The following SEC31B variants were observed in gnomAD, a reference collection of about 807,000 sequenced individuals.
SEC31B encodes SEC31 homolog B, COPII component.
In SEC31B, 113 loss-of-function variants were observed where a neutral mutation model predicts 135.0. That is an observed-to-expected ratio of 0.84 (90% CI 0.72 to 0.98). The LOEUF (loss-of-function observed/expected upper bound fraction) is 0.98. SEC31B is among the 50% of genes least tolerant of loss of function. The probability of loss-of-function intolerance (pLI) is 0.00; values close to 1 mark genes in which losing one functional copy is unlikely to be tolerated. For synonymous variants in SEC31B, 508 were observed against 549.4 expected, an observed-to-expected ratio of 0.92 and a Z score of 1.05; for missense variants, 1,296 against 1,421.1, an observed-to-expected ratio of 0.91 and a Z score of 1.42.
intron 10 of SEC31B, 83 bp from the exon 11 acceptor site, chr10:100,502,567 C>A: frequency 1.2e-6 from 1 of 834,758 alleles, no homozygotes; most frequent in South Asian, 1.7e-5. Context: ...AGAAGGCTAT[C>A]TAATGGCTGA....
chr10:100,511,552 T>G (rs750374090), intron 3 of SEC31B, among the ~76,000 whole-genome samples: 20 of 152,220 alleles, frequency 1.3e-4, no homozygotes, highest in Non-Finnish European at 2.2e-4. Flanking sequence ...GGAGGATCAC[T>G]TGTGCCCAGG....
rs777344538 is a variant in SEC31B, at chr10:100,490,141, T to A, written c.2832A>T (p.Pro944=). Residue 944 remains proline (P), a synonymous_variant, in exon 21 of 26, where the codon CCA becomes CCT. Transcript: ENST00000370345. ...GGGAGACCATGCGGCCGGGACCTAG[T>A]GGTCTCAGAGGAAGCAGAGGGAACA... ...PRLFPLLPLR[P]LGPGRMVSHT... 6.3e-7 allele frequency: 1 copy of A among 1,595,866 alleles called. No individual in the cohort carries two copies. The highest frequency in any genetic ancestry group is 2.2e-5 in the East Asian group (1 of 44,768).
chr10:100,487,346 A>G lies in SEC31B; in HGVS notation c.*270T>C. 2 of 439,042 alleles carry G rather than the reference A, an allele frequency of 4.6e-6. No homozygotes were observed. Among genetic ancestry groups the G allele is most frequent in the Non-Finnish European group, 8.2e-6 (2 of 243,464 alleles). The allele number at this position is 439,042 out of a possible 1,614,324, so 27.2% of individuals were successfully genotyped here. On this transcript the variant is annotated 3_prime_UTR_variant, in exon 26 of 26. Transcript: ENST00000370345. ...AGAAGATATCCTGCCCCAGGTCCTT[A>G]CAGAGTGTAGTATTAGGGAGAGTGA...
At position 100,505,403 on chromosome 10, in the gene SEC31B, T is replaced by A. The variant is rs565910778; in HGVS notation, c.1137A>T (p.Lys379Asn). Residue 379 changes from lysine (K) to asparagine (N), a missense_variant, in exon 10 of 26, where the codon AAA (lysine) becomes AAT (asparagine). Lys to Asn is a moderately conservative substitution (Grantham distance 94, BLOSUM62 0). Transcript: ENST00000370345. ...AQAPLIPPLK[K>N]PPKWIRRPTG... ...TTGGTCTTCTAATCCATTTGGGGGG[T>A]TTTTTCAGGGGAGGTATCAGTGGTG... 13 of 1,604,932 alleles carry A rather than the reference T, an allele frequency of 8.1e-6. No individual in the cohort carries two copies. The African/African-American group carries it at 9.5e-5, about 12-fold the overall frequency.
chr10:100,506,426 AAG>A lies in SEC31B; in HGVS notation c.783-8_783-7del. On this transcript the variant is annotated splice_polypyrimidine_tract_variant and splice_region_variant and intron_variant, in intron 7 of 25. Coordinates refer to ENST00000370345, the MANE Select transcript of SEC31B (RefSeq NM_015490.4). ...ATGACACTGACAAGATCCCCCTAAAAAGAGAAGGGAAGAGGAACTAGCATTTG... is the reference window on the plus strand; with the variant it reads ...ATGACACTGACAAGATCCCCCTAAAAAGAAGGGAAGAGGAACTAGCATTTG... 1.2e-6 allele frequency: 2 copies of A among 1,613,408 alleles called. No individual in the cohort carries two copies. The highest frequency in any genetic ancestry group is 3.3e-4 in the Middle Eastern group (2 of 6,062).
intron 11 of SEC31B, 110 bp downstream of exon 11, chr10:100,502,144 C>T (rs1851535603): frequency 3.8e-6 from 3 of 787,382 alleles, no homozygotes; most frequent in Non-Finnish European, 2.1e-6. Flanking sequence ...GGAGTTAAGG[C>T]CTCTGTGATC....
At chr10:100,496,942 T>G (rs1258069672) in intron 17 of SEC31B, among the ~76,000 whole-genome samples, 193 bp downstream of exon 17, 3 of 152,200 alleles carry the variant, frequency 2.0e-5, no homozygotes, top group Non-Finnish European at 2.9e-5. Flanking sequence ...AGACTAACAC[T>G]GAAGCAGCTG....
At chr10:100,517,213 A>G (rs1851867334) in intron 1 of SEC31B, among the ~76,000 whole-genome samples, 1 of 152,238 alleles carries the variant, frequency 6.6e-6, no homozygotes, top group Non-Finnish European at 1.5e-5. Flanking sequence ...AATGGCTACC[A>G]CAGGTCCAGT....
chr10:100,496,988 C>T, intron 17 of SEC31B, 147 bp downstream of exon 17: 1 of 790,260 alleles, frequency 1.3e-6, no homozygotes, highest in Non-Finnish European at 1.9e-6. Flanking sequence ...GGAGAAGATC[C>T]CAGACATTCA....
intron 3 of SEC31B, among the ~76,000 whole-genome samples, chr10:100,511,753 T>A (rs1851741348): frequency 1.3e-5 from 2 of 152,258 alleles, no homozygotes; most frequent in Non-Finnish European, 2.9e-5. Context: ...GAAAAGAGTT[T>A]GTCCACATTC....
chr10:100,490,719 A>G lies in SEC31B; in HGVS notation c.2637T>C (p.Pro879=), dbSNP rs137993060. 1 of 1,589,480 alleles carries G rather than the reference A, an allele frequency of 6.3e-7. No homozygotes were observed. Among genetic ancestry groups the G allele is most frequent in the African/African-American group, 1.3e-5 (1 of 74,402 alleles). The change falls in exon 20 of 26, where the codon CCT becomes CCC. Residue 879 remains proline, a synonymous_variant. Transcript: ENST00000370345. ...PQAIQPLPLS[P]GVRPASSQPQ... ...TGACTCACTCACCAGGCCTTACCCC[A>G]GGGCTCAAAGGCAAAGGCTGGATGG...
At chr10:100,505,956 T>C in intron 9 of SEC31B, 84 bp downstream of exon 9, 1 of 1,586,020 alleles carries the variant, frequency 6.3e-7, no homozygotes, top group Non-Finnish European at 8.6e-7. Flanking sequence ...ATCTCCAATA[T>C]CTCCGCTTCT....
intron 10 of SEC31B, among the ~76,000 whole-genome samples, chr10:100,502,858 A>G (rs1564651501): frequency 6.6e-6 from 1 of 152,210 alleles, no homozygotes; most frequent in Non-Finnish European, 1.5e-5. Context: ...TCTTTCATGC[A>G]GGTCCCCTCC....
rs746161224 is a variant in SEC31B at position 100,498,714 on chromosome 10, TG to T, written c.1674del (p.Ile559SerfsTer9). 1 of 1,612,176 alleles carries T rather than the reference TG, an allele frequency of 6.2e-7. No individual in the cohort carries two copies. Among genetic ancestry groups the T allele is most frequent in the Non-Finnish European group, 8.5e-7 (1 of 1,178,420 alleles). ...VPQNMTPWEI[P>X]ITKDIDGLLS... ...CTCAGGGTCAGGGTACCTTTTGTGA[TG>T]GGGATCTCCCAAGGAGTCATGTTCT... is the stretch of plus-strand genomic sequence containing the variant. On this transcript the variant is annotated frameshift_variant, in exon 14 of 26. Coordinates refer to ENST00000370345, the MANE Select transcript of SEC31B (RefSeq NM_015490.4). LOFTEE classifies it high-confidence loss of function.
chr10:100,507,414 T>C lies in SEC31B; in HGVS notation c.782+11A>G, dbSNP rs768134374. ...TCCCCCCAAGGATATGGATGACGTC[T>C]GAGATGCTACCTGCTGTGGCTCTCC... is the stretch of plus-strand genomic sequence containing the variant. On this transcript the variant is annotated intron_variant, in intron 7 of 25. Coordinates refer to ENST00000370345, the MANE Select transcript of SEC31B (RefSeq NM_015490.4). 7.4e-6 allele frequency: 12 copies of C among 1,614,152 alleles called. No homozygotes were observed. The African/African-American group carries it at 8.0e-5, about 11-fold the overall frequency.
chr10:100,490,825 G>A lies in SEC31B; in HGVS notation c.2531C>T (p.Pro844Leu). Residue 844 changes from proline (P) to leucine (L), a missense_variant, in exon 20 of 26, where the codon CCC becomes CTC. Pro to Leu is a moderately conservative substitution (Grantham distance 98). Transcript: ENST00000370345. ...AGGGCTAGGATGGGAAGGTGCCAAG[G>A]GCATCGCTGGTGATGACTGAGGGGT... ...VFTPQSSPAMPLAPSHPSPYQ... is the reference protein window; with the variant it reads ...VFTPQSSPAMLLAPSHPSPYQ... 3 of 1,600,434 alleles carry A rather than the reference G, an allele frequency of 1.9e-6. No individual in the cohort carries two copies. The highest frequency in any genetic ancestry group is 2.6e-6 in the Non-Finnish European group (3 of 1,171,518).
intron 23 of SEC31B, 96 bp from the exon 24 acceptor site, chr10:100,489,070 G>C: frequency 1.3e-6 from 2 of 1,512,638 alleles, no homozygotes; most frequent in South Asian, 1.3e-5. Context: ...CAGTCACACT[G>C]TTCCCATTAC....
At position 100,516,163 on chromosome 10, in the gene SEC31B, A is replaced by G; in HGVS notation, c.136T>C (p.Phe46Leu). 6.2e-7 allele frequency: 1 copy of G among 1,613,998 alleles called. No individual in the cohort carries two copies. Among genetic ancestry groups the G allele is most frequent in the Middle Eastern group, 1.6e-4 (1 of 6,062 alleles). The change falls in exon 3 of 26, where the codon TTT (phenylalanine) becomes CTT (leucine). Residue 46 changes from phenylalanine (F) to leucine (L), a missense_variant. Coordinates refer to ENST00000370345, the MANE Select transcript of SEC31B (RefSeq NM_015490.4). ...SFSTNGTLEI[F>L]EVDFRDPSLD... ...GAAGGGTCCCTGAAATCAACCTCAAATATTTCCAATGTGCCATTTGTGCTG... is the reference window on the plus strand; with the variant it reads ...GAAGGGTCCCTGAAATCAACCTCAAGTATTTCCAATGTGCCATTTGTGCTG...
intron 1 of SEC31B, among the ~76,000 whole-genome samples, chr10:100,518,690 A>T (rs980296707): frequency 6.6e-6 from 1 of 152,200 alleles, no homozygotes; most frequent in Non-Finnish European, 1.5e-5. Flanking sequence ...TAAAAATTAC[A>T]CTGAACTTGA....
Sources: allele counts gnomAD v4.1 joint callset (sites outside exome capture counted in the v4.1 genomes callset), GRCh38; gene constraint gnomAD v4.1.1; transcripts MANE v1.5; gene names NCBI Gene and HGNC (gene_info 2026-07-23, HGNC 2026-07-21).